The following IFI44L variants were observed in gnomAD, a reference collection of about 807,000 sequenced individuals.
IFI44L encodes interferon induced protein 44 like, also known as interferon-induced protein 44-like.
Under a neutral mutation model 39.3 loss-of-function variants are expected in IFI44L, and 40 were observed. The ratio of observed to expected loss-of-function variants is 1.02; its 90% CI spans 0.79 to 1.33. IFI44L has a LOEUF of 1.33. Ranked by LOEUF, IFI44L falls within the 40% of genes most tolerant of loss-of-function variation. IFI44L has a pLI of 0.00. For missense variants in IFI44L, 623 were observed against 549.0 expected, an observed-to-expected ratio of 1.13 and a Z score of -1.35; for synonymous variants, 198 against 182.3, an observed-to-expected ratio of 1.09 and a Z score of -0.69.
chr1:78,638,322 T>G (rs1222709401), intron 6 of IFI44L, among the ~76,000 whole-genome samples: 2 of 152,114 alleles, frequency 1.3e-5, no homozygotes, highest in African/African-American at 4.8e-5. Context: ...AAAAGATCTA[T>G]AAATCCTAAA....
intron 6 of IFI44L, among the ~76,000 whole-genome samples, chr1:78,637,830 T>A (rs1348933211): frequency 6.6e-6 from 1 of 152,168 alleles, no homozygotes; most frequent in Non-Finnish European, 1.5e-5. Context: ...TATTCCATGG[T>A]ATAGATATAC....
chr1:78,635,652 T>G, intron 5 of IFI44L, 163 bp downstream of exon 5: 1 of 637,496 alleles, frequency 1.6e-6, no homozygotes, highest in Non-Finnish European at 2.7e-6. Context: ...AAAAGTAGAG[T>G]GACTATTGTT....
intron 1 of IFI44L, 79 bp downstream of exon 1, chr1:78,620,650 A>G (rs1052410960): frequency 1.3e-5 from 2 of 152,238 alleles, no homozygotes; most frequent in Non-Finnish European, 2.9e-5. Flanking sequence ...CAAGCATACA[A>G]TGTAATGACC....
At chr1:78,632,415 T>C (rs928657755) in intron 4 of IFI44L, among the ~76,000 whole-genome samples, 5 of 152,182 alleles carry the variant, frequency 3.3e-5, no homozygotes, top group Non-Finnish European at 7.4e-5. Context: ...TAATATTGCA[T>C]GATGAAATGT....
rs1449108356 is a variant in IFI44L at position 78,628,974 on chromosome 1, A to G, written c.502A>G (p.Ile168Val). 2.5e-6 allele frequency: 4 copies of G among 1,580,722 alleles called. No homozygotes were observed. Among genetic ancestry groups the G allele is most frequent in the Non-Finnish European group, 2.6e-6 (3 of 1,150,204 alleles). Residue 168 changes from isoleucine to valine, a missense_variant, in exon 3 of 9, where the codon ATA (isoleucine) becomes GTA (valine). Physicochemically the swap from Ile to Val is conservative, Grantham distance 29. Coordinates refer to ENST00000370751, the MANE Select transcript of IFI44L (RefSeq NM_006820.4). ...VEGIKDNLDDIKRIIKAREHR... is the reference protein window; with the variant it reads ...VEGIKDNLDDVKRIIKAREHR... ...AGGAATTAAGGATAACCTAGACGACATAAAGAGGATAATTAAAGCCAGAGA... is the reference window on the plus strand; with the variant it reads ...AGGAATTAAGGATAACCTAGACGACGTAAAGAGGATAATTAAAGCCAGAGA...
intron 4 of IFI44L, among the ~76,000 whole-genome samples, chr1:78,634,041 A>T (rs1652850547): frequency 6.6e-6 from 1 of 152,108 alleles, no homozygotes; most frequent in Non-Finnish European, 1.5e-5. Flanking sequence ...AAAAAAACAG[A>T]ATGAAGAGGA....
intron 3 of IFI44L, among the ~76,000 whole-genome samples, 195 bp downstream of exon 3, chr1:78,629,194 A>G (rs1188932577): frequency 1.3e-5 from 2 of 152,162 alleles, no homozygotes; most frequent in African/African-American, 4.8e-5. Context: ...ACATTGACCA[A>G]TTTGACTTCA....
chr1:78,628,494 A>G, intron 2 of IFI44L, 101 bp downstream of exon 2: 1 of 721,732 alleles, frequency 1.4e-6, no homozygotes, highest in Non-Finnish European at 2.3e-6. Flanking sequence ...TGAAAGGAAC[A>G]GTTAGATTCA....
chr1:78,638,169 T>A (rs1267192898), intron 6 of IFI44L, among the ~76,000 whole-genome samples: 1 of 152,176 alleles, frequency 6.6e-6, no homozygotes, highest in African/African-American at 2.4e-5. Flanking sequence ...GGGTCTTAAT[T>A]TGCATTGCTT....
intron 1 of IFI44L, among the ~76,000 whole-genome samples, chr1:78,623,061 A>C (rs1421007380): frequency 1.3e-5 from 2 of 152,242 alleles, no homozygotes; most frequent in East Asian, 3.8e-4. Context: ...AGCACACTAA[A>C]TTAGTTAATA....
intron 1 of IFI44L, among the ~76,000 whole-genome samples, chr1:78,623,333 T>G (rs1473564389): frequency 6.6e-6 from 1 of 151,720 alleles, no homozygotes; most frequent in Non-Finnish European, 1.5e-5. Flanking sequence ...AACTATGAAC[T>G]TTTTATACAT....
chr1:78,628,194 C>T lies in IFI44L; in HGVS notation c.279C>T (p.Thr93=). The T allele has an allele frequency of 6.2e-7, 1 of 1,612,570 alleles. No homozygotes were observed. Among genetic ancestry groups the T allele is most frequent in the Non-Finnish European group, 8.5e-7 (1 of 1,179,282 alleles). ...LWFSLQKKND[T]TEIETLLLNT... The stretch of plus-strand genomic sequence containing the variant: ...TTTCACTTCAAAAGAAAAATGACAC[C>T]ACTGAAATAGAAACTTTACTCTTAA... The change falls in exon 2 of 9, where the codon ACC becomes ACT. Residue 93 remains threonine (T), a synonymous_variant. Coordinates refer to ENST00000370751, the MANE Select transcript of IFI44L (RefSeq NM_006820.4).
Position 78,639,857 on chromosome 1 carries a change from T to C in IFI44L, c.1049-1164T>C, listed in dbSNP as rs902979242. ...CATATTTAGGTTCCGAAAAGTGCTATGCCGTTTAATGTATAGAGCATGGTC... is the reference window on the plus strand; with the variant it reads ...CATATTTAGGTTCCGAAAAGTGCTACGCCGTTTAATGTATAGAGCATGGTC... On this transcript the variant is annotated intron_variant, in intron 6 of 8. Transcript: ENST00000370751. Among the ~76,000 whole-genome samples the C allele has an allele frequency of 3.9e-5, 6 of 152,112 alleles. 1 individual carries two copies. Among genetic ancestry groups the C allele is most frequent in the African/African-American group, 1.2e-4 (5 of 41,438 alleles).
rs1647030059 is a variant in IFI44L at position 78,644,846 on chromosome 1, T to A, written c.*3037T>A. ...GTTGAAATGTCAATGCTAGAGCCTC[T>A]GTGGTGTGAATGGGCACGTTAGGTT... On this transcript the variant is annotated 3_prime_UTR_variant, in exon 9 of 9. Coordinates refer to ENST00000370751, the MANE Select transcript of IFI44L (RefSeq NM_006820.4). 1 of 152,218 alleles carries A rather than the reference T, an allele frequency of 6.6e-6. No homozygotes were observed. Among genetic ancestry groups the A allele is most frequent in the Non-Finnish European group, 1.5e-5 (1 of 68,028 alleles). 9.4% of individuals were successfully genotyped at this position (152,218 alleles called of 1,614,324 possible). A position where few individuals can be genotyped will look rare whatever the true frequency, so the allele number is the denominator to read the frequency against.
At chr1:78,624,099 C>A (rs560005013) in intron 1 of IFI44L, among the ~76,000 whole-genome samples, 1 of 152,214 alleles carries the variant, frequency 6.6e-6, no homozygotes, top group East Asian at 1.9e-4. Context: ...TCAAGCGATT[C>A]TCCTACTTCA....
chr1:78,635,443 A>G lies in IFI44L; in HGVS notation c.830A>G (p.Asp277Gly), dbSNP rs746384143. The stretch of plus-strand genomic sequence containing the variant: ...GCAGAAGGAGCAGGACTGTGCATGG[A>G]TGACATTCCCCACATCTTAAAAGGT... Reference protein sequence around the residue: ...DGAEGAGLCMDDIPHILKGCM... With the variant: ...DGAEGAGLCMGDIPHILKGCM... The change falls in exon 5 of 9, where the codon GAT becomes GGT. Residue 277 changes from aspartate to glycine, a missense_variant. Asp to Gly is a moderately conservative substitution (Grantham distance 94). Transcript: ENST00000370751. The G allele has an allele frequency of 6.2e-7, 1 of 1,613,572 alleles. No individual in the cohort carries two copies. The highest frequency in any genetic ancestry group is 1.7e-5 in the Admixed American group (1 of 59,948).
chr1:78,630,057 A>G (rs1652691647), intron 4 of IFI44L, 142 bp downstream of exon 4: 3 of 785,748 alleles, frequency 3.8e-6, no homozygotes, highest in Non-Finnish European at 6.6e-6. Flanking sequence ...TTTGATCAGA[A>G]CCACCTCCAT....
chr1:78,637,037 TTCCCGTA>T lies in IFI44L; in HGVS notation c.883_889del (p.Ser295AsnfsTer16). 2.5e-6 allele frequency: 4 copies of T among 1,608,308 alleles called. No individual in the cohort carries two copies. The highest frequency in any genetic ancestry group is 3.4e-6 in the Non-Finnish European group (4 of 1,175,758). On this transcript the variant is annotated frameshift_variant, in exon 6 of 9. Transcript: ENST00000370751. LOFTEE classifies it high-confidence loss of function. ...ACCTTATGTTTTTATAACAGTTTAA[TTCCCGTA>T]AACCAATTACACCTGAGCATTCTAC...
chr1:78,641,201 G>A (rs879303202), intron 7 of IFI44L, 80 bp downstream of exon 7: 22 of 1,039,374 alleles, frequency 2.1e-5, no homozygotes, highest in South Asian at 3.9e-5. Flanking sequence ...GTGTCTGTAC[G>A]TGTATATGTG....
Sources: gnomAD v4.1 joint callset for allele counts (sites outside exome capture counted in the v4.1 genomes callset) on GRCh38, gnomAD v4.1.1 for gene constraint, MANE v1.5 for transcripts, NCBI Gene and HGNC (gene_info 2026-07-23, HGNC 2026-07-21) for gene names.